Variants in CYB561 observed in about 807,000 individuals in gnomAD.
The protein encoded by CYB561 is transmembrane ascorbate-dependent reductase CYB561.
In CYB561, 11 loss-of-function variants were observed where a neutral mutation model predicts 25.3. That is an observed-to-expected ratio of 0.44 (90% CI 0.27 to 0.72). The LOEUF is 0.72. Among genes scored for constraint, CYB561 ranks in the 30% least tolerant of loss-of-function variants. The pLI is 0.18. For synonymous variants in CYB561, 165 were observed against 158.8 expected, an observed-to-expected ratio of 1.04 and a Z score of -0.29; for missense variants, 295 against 334.9, an observed-to-expected ratio of 0.88 and a Z score of 0.93.
chr17:63,440,785 T>C (rs1174215826), intron 1 of CYB561: 1 of 152,654 alleles, frequency 6.6e-6, no homozygotes, highest in African/African-American at 2.4e-5. Context: ...TCCTTGGGTA[T>C]CTTTGGGTCT....
rs114891435 is a variant in CYB561, at chr17:63,444,028, G to A, written c.-14+2217C>T. Among the ~76,000 whole-genome samples the A allele has an allele frequency of 4.0e-3, 604 of 150,606 alleles. 4 individuals are homozygous for A. Among genetic ancestry groups the A allele is most frequent in the African/African-American group, 0.014 (586 of 41,030 alleles). ...TTTTTATTAATTTTTTTTTTTTTGA[G>A]GCTGGAGTGCAATGGCAAGATCTCG... On this transcript the variant is annotated intron_variant, in intron 1 of 5. Coordinates refer to ENST00000360793, the MANE Select transcript of CYB561 (RefSeq NM_001915.4).
intron 4 of CYB561, 113 bp downstream of exon 4, chr17:63,435,575 T>G (rs2049287750): frequency 1.1e-6 from 1 of 924,224 alleles, no homozygotes; most frequent in Admixed American, 2.0e-5. Flanking sequence ...CTCTCTCACC[T>G]GCACACACCC....
In CYB561 at chr17:63,438,209, G is replaced by A. The variant is rs867429901; in HGVS notation, c.-13-649C>T. 17 of 1,535,600 alleles carry A rather than the reference G, an allele frequency of 1.1e-5. 1 individual carries two copies. In the Middle Eastern group the frequency reaches 8.3e-4, roughly 75 times the overall value. ...TAGTGAGCTCAAGGGCCCAGTGCCCGGCTTTGTTTTCTGTTTCATGAGGCC... is the reference window on the plus strand; with the variant it reads ...TAGTGAGCTCAAGGGCCCAGTGCCCAGCTTTGTTTTCTGTTTCATGAGGCC... On this transcript the variant is annotated intron_variant, in intron 1 of 5. Transcript: ENST00000360793.
intron 5 of CYB561, 141 bp downstream of exon 5, chr17:63,434,945 A>C: frequency 1.1e-6 from 1 of 943,358 alleles, no homozygotes; most frequent in Non-Finnish European, 1.6e-6. Context: ...AAGCACCCAA[A>C]TCTTAGCAAG....
chr17:63,438,008 C>CGCTCGCTCT (rs1330612582), intron 1 of CYB561: 2 of 1,345,482 alleles, frequency 1.5e-6, no homozygotes, highest in Admixed American at 5.0e-5. Context: ...CTGGAAGCAG[C>CGCTCGCTCT]GCTCGCTCTC....
At position 63,435,431 on chromosome 17, in the gene CYB561, A is replaced by G. The variant is rs572951450; in HGVS notation, c.406-188T>C. 3.5e-4 allele frequency: 242 copies of G among 683,698 alleles called. 2 individuals are homozygous for G. The African/African-American group carries it at 3.7e-3, about 10-fold the overall frequency. 42.4% of individuals were successfully genotyped at this position (683,698 alleles called of 1,614,324 possible). ...TTAGGGACAAGGGACCGGTCCCCCA[A>G]CGCTTGAGGCCTTGGCACACTCAGA... On this transcript the variant is annotated intron_variant, in intron 4 of 5. Transcript: ENST00000360793.
chr17:63,438,324 C>A, intron 1 of CYB561: 1 of 902,544 alleles, frequency 1.1e-6, no homozygotes. Context: ...ACCTTTTCTC[C>A]AGACGCGTCA....
chr17:63,442,707 G>C (rs994117458), intron 1 of CYB561: 1 of 152,182 alleles, frequency 6.6e-6, no homozygotes, highest in Non-Finnish European at 1.5e-5. Context: ...GAGGGTGACA[G>C]ATCTCTGGCA....
intron 1 of CYB561, chr17:63,438,089 G>A (rs942781934): frequency 6.5e-7 from 1 of 1,533,920 alleles, no homozygotes. Context: ...GCTGGGGGGA[G>A]GGGCCCAGCC....
At chr17:63,440,263 C>G in intron 1 of CYB561, 1 of 398,822 alleles carries the variant, frequency 2.5e-6, no homozygotes. Context: ...GCCAAGTTCT[C>G]TCATGCCCTC....
intron 1 of CYB561, among the ~76,000 whole-genome samples, chr17:63,445,485 G>A (rs2049414516): frequency 6.6e-6 from 1 of 151,350 alleles, no homozygotes; most frequent in Non-Finnish European, 1.5e-5. Flanking sequence ...AGGCTGCCAA[G>A]GTGGAATGAA....
Position 63,434,295 on chromosome 17 carries a change from C to T in CYB561, c.*107G>A, listed in dbSNP as rs151186636. On this transcript the variant is annotated 3_prime_UTR_variant, in exon 6 of 6. Transcript: ENST00000360793. ...TCAAACAGATGCAGCTGCACCCACG[C>T]GCCCGCCTGCTGCCAGAGCCACTCT... 9,381 of 1,025,932 alleles carry T rather than the reference C, an allele frequency of 9.1e-3. 72 individuals are homozygous for T. The highest frequency in any genetic ancestry group is 0.029 in the Middle Eastern group (94 of 3,222). The allele number at this position is 1,025,932 out of a possible 1,614,324, so 63.6% of individuals were successfully genotyped here.
chr17:63,437,337 G>GA lies in CYB561; in HGVS notation c.202+8_202+9insT. ...GCCCGGGAAAAGAGGAGCGGCCCATGGGACTCACCATTTCCCTGCAGGAAG... is the reference window on the plus strand; with the variant it reads ...GCCCGGGAAAAGAGGAGCGGCCCATGAGGACTCACCATTTCCCTGCAGGAAG... On this transcript the variant is annotated intron_variant, in intron 2 of 5. Transcript: ENST00000360793. The GA allele has an allele frequency of 6.2e-7, 1 of 1,608,360 alleles. No individual in the cohort carries two copies. The highest frequency in any genetic ancestry group is 1.7e-5 in the Admixed American group (1 of 59,954).
rs2049316317 is a variant in CYB561 at position 63,437,463 on chromosome 17, C to A, written c.85G>T (p.Ala29Ser). The change falls in exon 2 of 6, where the codon GCC (alanine) becomes TCC (serine). Residue 29 changes from alanine (A) to serine (S), a missense_variant. By Grantham distance (99) the Ala-to-Ser change is moderately conservative. Transcript: ENST00000360793. The part of the protein sequence containing the change: ...FSQLLGLTLV[A>S]MTGAWLGLYR... ...AGCCCGAGCCACGCGCCGGTCATGG[C>A]CACCAAGGTCAGGCCCAGCAGCTGG... The A allele has an allele frequency of 1.2e-6, 2 of 1,613,908 alleles. No homozygotes were observed. The highest frequency in any genetic ancestry group is 1.7e-6 in the Non-Finnish European group (2 of 1,179,964).
At chr17:63,445,380 CTTTTT>C (rs558247824) in intron 1 of CYB561, among the ~76,000 whole-genome samples, 3 of 128,534 alleles carry the variant, frequency 2.3e-5, no homozygotes, top group African/African-American at 8.9e-5. Flanking sequence ...GGTGGCAAAG[CTTTTT>C]TTTTTTTTTT....
chr17:63,436,465 G>C lies in CYB561; in HGVS notation c.203-313C>G, dbSNP rs1307596351. 1 of 296,340 alleles carries C rather than the reference G, an allele frequency of 3.4e-6. No homozygotes were observed. The highest frequency in any genetic ancestry group is 4.7e-5 in the South Asian group (1 of 21,090). 18.4% of individuals were successfully genotyped at this position (296,340 alleles called of 1,614,324 possible). Reference sequence around the variant, plus strand: ...CCCACCACCAGGACAGGCAGTGAAGGCAGCGCCTCTGCCCTCGTCCCCACC... The same window carrying C: ...CCCACCACCAGGACAGGCAGTGAAGCCAGCGCCTCTGCCCTCGTCCCCACC... On this transcript the variant is annotated intron_variant, in intron 2 of 5. Coordinates refer to ENST00000360793, the MANE Select transcript of CYB561 (RefSeq NM_001915.4). The surrounding 1 kb of genome is among the most constrained non-coding windows in gnomAD (Gnocchi z 4.8).
chr17:63,444,186 T>C (rs948087240), intron 1 of CYB561, among the ~76,000 whole-genome samples: 4 of 152,186 alleles, frequency 2.6e-5, no homozygotes, highest in Middle Eastern at 3.2e-3. Context: ...CTTTCACCAC[T>C]GCGCCGGGCC....
At chr17:63,442,314 G>C (rs1354041483) in intron 1 of CYB561, among the ~76,000 whole-genome samples, 1 of 152,180 alleles carries the variant, frequency 6.6e-6, no homozygotes. Flanking sequence ...CCAGAGGTGG[G>C]GGTGTACAGG....
Position 63,436,661 on chromosome 17 carries a change from C to T in CYB561, c.203-509G>A. On this transcript the variant is annotated intron_variant, in intron 2 of 5. Transcript: ENST00000360793. This position sits in a 1 kb window ranked among gnomAD's most constrained non-coding sequence, Gnocchi z 4.8. The stretch of plus-strand genomic sequence containing the variant: ...TCCTCACACAGGCCCCCACCTAAGC[C>T]TGGGCAGATGGTCCTACTCCTAGCA... 1 of 164,486 alleles carries T rather than the reference C, an allele frequency of 6.1e-6. No individual in the cohort carries two copies. The highest frequency in any genetic ancestry group is 1.6e-4 in the South Asian group (1 of 6,384). The allele number at this position is 164,486 out of a possible 1,614,324, so 10.2% of individuals were successfully genotyped here. A position where few individuals can be genotyped will look rare whatever the true frequency, so the allele number is the denominator to read the frequency against.
Sources: gnomAD v4.1 joint callset for allele counts (sites outside exome capture counted in the v4.1 genomes callset) on GRCh38, gnomAD v4.1.1 for gene constraint, Gnocchi (gnomAD v3.1) non-coding constraint, MANE v1.5 for transcripts, NCBI Gene and HGNC (gene_info 2026-07-23, HGNC 2026-07-21) for gene names.